ZNF667: variants seen among roughly 807,000 people sequenced by gnomAD.
The protein encoded by ZNF667 is myocardial ischemic preconditioning upregulated 1 ortholog.
ZNF667 carries 13 observed loss-of-function variants against 31.8 expected under a neutral mutation model. The observed-to-expected ratio is 0.41, with a 90% CI of 0.27 to 0.65. The LOEUF (loss-of-function observed/expected upper bound fraction) is 0.65, where lower values mean the gene tolerates loss of function less well. Among genes scored for constraint, ZNF667 ranks in the 30% least tolerant of loss-of-function variants. ZNF667 has a pLI of 0.32. For missense variants in ZNF667, 642 were observed against 725.6 expected (o/e 0.88, Z 1.32); for synonymous variants, 228 against 247.1 (o/e 0.92, Z 0.73).
intron 6 of ZNF667, among the ~76,000 whole-genome samples, chr19:56,453,653 T>C (rs2147739090): frequency 6.6e-6 from 1 of 152,014 alleles, no homozygotes; most frequent in South Asian, 2.1e-4. Context: ...ATGCGATCCC[T>C]CAAAAAACTG....
At position 56,442,268 on chromosome 19, in the gene ZNF667, GTA is replaced by G; in HGVS notation, c.725_726del (p.Ile242ThrfsTer30). 6.2e-7 allele frequency: 1 copy of G among 1,614,136 alleles called. No homozygotes were observed. Among genetic ancestry groups the G allele is most frequent in the Non-Finnish European group, 8.5e-7 (1 of 1,180,018 alleles). ...TTCCCAACAACATGAATTTTCTGAT[GTA>G]TATTGAAAGACTGACATTGACTCAA... ...KALSQCQSFN[I>X]HQKIHVVGNV... On this transcript the variant is annotated frameshift_variant, in exon 7 of 7. Transcript: ENST00000504904. LOFTEE classifies it low-confidence loss of function (END_TRUNC).
In ZNF667 at chr19:56,441,662, A is replaced by G; in HGVS notation, c.1333T>C (p.Cys445Arg). 1.2e-6 allele frequency: 2 copies of G among 1,614,066 alleles called. No individual in the cohort carries two copies. Among genetic ancestry groups the G allele is most frequent in the Middle Eastern group, 1.7e-4 (1 of 6,058 alleles). ...NIHSEEKPFK[C>R]NKCSKVFGRQ... ...CCGAAAACTTTACTACATTTATTGC[A>G]TTTGAAAGGTTTCTCTTCAGAATGA... Residue 445 changes from cysteine to arginine, a missense_variant, in exon 7 of 7, where the codon TGC (cysteine) becomes CGC (arginine). Physicochemically the swap from Cys to Arg is radical, Grantham distance 180. Transcript: ENST00000504904. This position sits in a 1 kb window ranked among gnomAD's most constrained non-coding sequence, Gnocchi z 4.2.
intron 3 of ZNF667, among the ~76,000 whole-genome samples, chr19:56,467,500 T>A: frequency 6.6e-6 from 1 of 152,118 alleles, no homozygotes; most frequent in East Asian, 1.9e-4. Flanking sequence ...CCCAGCTGGG[T>A]GTCCTCCAAC....
chr19:56,455,894 TAC>T (rs1251347169), intron 6 of ZNF667, among the ~76,000 whole-genome samples: 1 of 152,256 alleles, frequency 6.6e-6, no homozygotes, highest in East Asian at 1.9e-4. Context: ...TATTAATATA[TAC>T]ACCTCTATAT....
In ZNF667 at chr19:56,441,555, G is replaced by A. The variant is rs759452126; in HGVS notation, c.1440C>T (p.Phe480=). The stretch of plus-strand genomic sequence containing the variant: ...GTCGTGTGAGAGATATTCGGTGGCT[G>A]AAGGCTTTTCCACATTCCTCACACT... ...PYQCEECGKA[F]SHRISLTRHK... Residue 480 remains phenylalanine, a synonymous_variant, in exon 7 of 7, where the codon TTC becomes TTT. Transcript: ENST00000504904. This position sits in a 1 kb window ranked among gnomAD's most constrained non-coding sequence, Gnocchi z 4.2. The A allele has an allele frequency of 2.5e-6, 4 of 1,614,212 alleles. No individual in the cohort carries two copies. The highest frequency in any genetic ancestry group is 2.2e-5 in the South Asian group (2 of 91,082).
chr19:56,446,442 C>T (rs62121591), intron 6 of ZNF667, among the ~76,000 whole-genome samples: 22,454 of 152,106 alleles, frequency 0.15, 2,023 homozygotes, highest in Middle Eastern at 0.23. Context: ...TGAGGCTATT[C>T]ATAGCCTCCA....
rs543260322 is a variant in ZNF667 at position 56,456,149 on chromosome 19, T to C, written c.253+2006A>G. ...AAGTAAGTTCTCAATAAATGCTGAC[T>C]GCTATTAATTCATTTTACTAAATAA... On this transcript the variant is annotated intron_variant, in intron 6 of 6. Coordinates refer to ENST00000504904, the MANE Select transcript of ZNF667 (RefSeq NM_001321356.2). Among the ~76,000 whole-genome samples the C allele has an allele frequency of 7.9e-5, 12 of 152,342 alleles. 1 individual carries two copies. In the South Asian group the frequency reaches 2.5e-3, roughly 32 times the overall value.
At chr19:56,452,109 C>T (rs59680165) in intron 6 of ZNF667, among the ~76,000 whole-genome samples, 4 of 148,994 alleles carry the variant, frequency 2.7e-5, no homozygotes, top group African/African-American at 7.5e-5. Context: ...AGTGCAATGG[C>T]GCGATCTTGG....
intron 6 of ZNF667, among the ~76,000 whole-genome samples, chr19:56,451,881 A>C (rs1469351980): frequency 4.0e-4 from 22 of 55,586 alleles, no homozygotes; most frequent in African/African-American, 1.2e-3. Context: ...AAAAAAAAAA[A>C]AAAAAAAAAA....
At chr19:56,457,471 AG>A (rs2042957693) in intron 6 of ZNF667, among the ~76,000 whole-genome samples, 1 of 152,194 alleles carries the variant, frequency 6.6e-6, no homozygotes, top group Non-Finnish European at 1.5e-5. Context: ...ACCTTGGGCA[AG>A]TCAACAAACC....
At chr19:56,445,926 A>T (rs901956301) in intron 6 of ZNF667, among the ~76,000 whole-genome samples, 1 of 140,336 alleles carries the variant, frequency 7.1e-6, no homozygotes, top group Non-Finnish European at 1.5e-5. Flanking sequence ...ATTAAATTTC[A>T]ACATGAGATT....
At chr19:56,452,988 AC>A (rs1345009268) in intron 6 of ZNF667, among the ~76,000 whole-genome samples, 1 of 152,080 alleles carries the variant, frequency 6.6e-6, no homozygotes, top group Non-Finnish European at 1.5e-5. Context: ...GAATTGACAA[AC>A]TTTTAATCAG....
In ZNF667 at chr19:56,475,203, T is replaced by C. The variant is rs898342788; in HGVS notation, c.-661-1079A>G. 11 of 152,360 alleles carry C rather than the reference T, an allele frequency of 7.2e-5. No homozygotes were observed. The East Asian group carries it at 1.9e-3, about 27-fold the overall frequency. 9.4% of individuals were successfully genotyped at this position (152,360 alleles called of 1,614,324 possible). A position where few individuals can be genotyped will look rare whatever the true frequency, so the allele number is the denominator to read the frequency against. On this transcript the variant is annotated intron_variant, in intron 1 of 6. Transcript: ENST00000504904. ...TTATAGACTTTATTTTTGTCTCTCC[T>C]ACTAAATGCAAGTTCCAGCTGAGTA...
chr19:56,471,287 G>A (rs567129372), intron 3 of ZNF667, among the ~76,000 whole-genome samples: 11 of 152,190 alleles, frequency 7.2e-5, no homozygotes, highest in African/African-American at 2.7e-4. Flanking sequence ...GCAGAACCGT[G>A]GGCCAATTAA....
chr19:56,443,985 GTATAC>G (rs2042670528), intron 6 of ZNF667: 1 of 353,654 alleles, frequency 2.8e-6, no homozygotes, highest in African/African-American at 2.1e-5. Flanking sequence ...CTGGTTTGAG[GTATAC>G]TATGAGTATA....
chr19:56,455,910 G>A (rs923690848), intron 6 of ZNF667, among the ~76,000 whole-genome samples: 4 of 151,912 alleles, frequency 2.6e-5, no homozygotes, highest in Admixed American at 6.6e-5. Context: ...TCTATATCCC[G>A]TAAAAATTAA....
At chr19:56,469,332 C>T (rs917730489) in intron 3 of ZNF667, among the ~76,000 whole-genome samples, 2 of 152,144 alleles carry the variant, frequency 1.3e-5, no homozygotes, top group Non-Finnish European at 2.9e-5. Context: ...AAGGGTGAGG[C>T]GGCCCCCAGT....
intron 6 of ZNF667, among the ~76,000 whole-genome samples, chr19:56,455,909 C>T (rs577796363): frequency 1.3e-5 from 2 of 152,128 alleles, no homozygotes; most frequent in East Asian, 3.9e-4. Flanking sequence ...CTCTATATCC[C>T]GTAAAAATTA....
At chr19:56,443,202 C>G (rs1392553773) in intron 6 of ZNF667, among the ~76,000 whole-genome samples, 1 of 152,204 alleles carries the variant, frequency 6.6e-6, no homozygotes, top group East Asian at 1.9e-4. Flanking sequence ...GTTACACACT[C>G]TGTAAATTTA....
Sources: gnomAD v4.1 joint callset for allele counts (sites outside exome capture counted in the v4.1 genomes callset) on GRCh38, gnomAD v4.1.1 for gene constraint, Gnocchi (gnomAD v3.1) non-coding constraint, MANE v1.5 for transcripts, NCBI Gene and HGNC (gene_info 2026-07-23, HGNC 2026-07-21) for gene names.